The following PHF21B variants were observed in gnomAD, a reference collection of about 807,000 sequenced individuals.
PHF21B encodes the protein PHD finger protein 4.
Under a neutral mutation model 62.2 loss-of-function variants are expected in PHF21B, and 22 were observed. That is an observed-to-expected ratio of 0.35 (90% CI 0.25 to 0.51). The LOEUF (loss-of-function observed/expected upper bound fraction) is 0.51, where lower values mean the gene tolerates loss of function less well. Ranked by LOEUF, PHF21B falls within the 20% of genes least tolerant of loss-of-function variation. The probability of loss-of-function intolerance (pLI) is 0.97; values close to 1 mark genes in which losing one functional copy is unlikely to be tolerated. For synonymous variants in PHF21B, 341 were observed against 314.7 expected, an observed-to-expected ratio of 1.08 and a Z score of -0.88; for missense variants, 701 against 707.9, an observed-to-expected ratio of 0.99 and a Z score of 0.11.
intron 2 of PHF21B, among the ~76,000 whole-genome samples, chr22:44,966,579 G>A (rs919839268): frequency 5.9e-5 from 9 of 152,228 alleles, no homozygotes; most frequent in East Asian, 3.9e-4. Flanking sequence ...AGGCAGGTGC[G>A]GTGAAGGGAG....
chr22:44,992,792 T>C (rs775256841), intron 2 of PHF21B, among the ~76,000 whole-genome samples: 106 of 152,186 alleles, frequency 7.0e-4, no homozygotes, highest in Non-Finnish European at 1.1e-3. Context: ...GACCTGACGC[T>C]GACCCCCCAG....
chr22:44,919,737 C>T (rs192703186), intron 3 of PHF21B, among the ~76,000 whole-genome samples: 19 of 152,366 alleles, frequency 1.2e-4, no homozygotes, highest in African/African-American at 2.6e-4. Context: ...AACTACCTGG[C>T]GTTTGCTCTG....
At chr22:44,972,925 C>A (rs1251746782) in intron 2 of PHF21B, among the ~76,000 whole-genome samples, 1 of 152,152 alleles carries the variant, frequency 6.6e-6, no homozygotes, top group Non-Finnish European at 1.5e-5. Context: ...GGGAGGTTGG[C>A]AGGCAGGGCG....
chr22:44,920,596 T>C (rs1430654678), intron 2 of PHF21B, 106 bp from the exon 3 acceptor site: 4 of 574,156 alleles, frequency 7.0e-6, no homozygotes, highest in Non-Finnish European at 1.2e-5. Context: ...AGACAGCAAA[T>C]TCTACTCTTC....
chr22:44,927,249 G>A (rs765317017), intron 2 of PHF21B, among the ~76,000 whole-genome samples: 1 of 151,344 alleles, frequency 6.6e-6, no homozygotes, highest in Non-Finnish European at 1.5e-5. Flanking sequence ...CCCGCAGGAG[G>A]CCGGCAACAA....
At chr22:44,951,597 A>C (rs2072195235) in intron 2 of PHF21B, among the ~76,000 whole-genome samples, 1 of 152,246 alleles carries the variant, frequency 6.6e-6, no homozygotes, top group African/African-American at 2.4e-5. Context: ...TGTGAGATGC[A>C]TGAAAGCTGT....
At chr22:44,906,895 T>C (rs2071260804) in intron 5 of PHF21B, among the ~76,000 whole-genome samples, 1 of 151,120 alleles carries the variant, frequency 6.6e-6, no homozygotes, top group Non-Finnish European at 1.5e-5. Context: ...CTACCTCACA[T>C]CCCTGAGAGA....
rs1158848447 is a variant in PHF21B, at chr22:44,916,368, T to A, written c.476A>T (p.Asn159Ile). ...AYAIISTSPS[N>I]AAAMAPSTAV... ...GGTGCTGGGGGCCATGGCGGCGGCA[T>A]TGCTGGGGGAGGTGGAGATGATGGC... The change falls in exon 4 of 13, where the codon AAT (asparagine) becomes ATT (isoleucine). Residue 159 changes from asparagine (N) to isoleucine (I), a missense_variant. Coordinates refer to ENST00000313237, the MANE Select transcript of PHF21B (RefSeq NM_138415.5). 1.3e-6 allele frequency: 2 copies of A among 1,592,580 alleles called. No homozygotes were observed. The highest frequency in any genetic ancestry group is 1.7e-6 in the Non-Finnish European group (2 of 1,175,666).
At chr22:44,965,050 G>C (rs1255447409) in intron 2 of PHF21B, among the ~76,000 whole-genome samples, 1 of 152,176 alleles carries the variant, frequency 6.6e-6, no homozygotes, top group African/African-American at 2.4e-5. Context: ...TGTGATATGG[G>C]GGGGCTCCCA....
intron 5 of PHF21B, among the ~76,000 whole-genome samples, chr22:44,900,379 C>A (rs2071135921): frequency 6.6e-6 from 1 of 152,168 alleles, no homozygotes; most frequent in South Asian, 2.1e-4. Flanking sequence ...TGGCTCACTG[C>A]AACCTCCACC....
intron 2 of PHF21B, among the ~76,000 whole-genome samples, chr22:44,939,612 C>T (rs181165847): frequency 3.3e-5 from 5 of 152,110 alleles, no homozygotes; most frequent in African/African-American, 9.7e-5. Flanking sequence ...AGACATGGGG[C>T]GGAGGTAACT....
chr22:44,953,188 T>C (rs1024393107), intron 2 of PHF21B, among the ~76,000 whole-genome samples: 2 of 152,184 alleles, frequency 1.3e-5, no homozygotes, highest in African/African-American at 4.8e-5. Context: ...GGCCCGCAGC[T>C]GGGGCAGAAA....
chr22:44,953,279 C>G (rs945457122), intron 2 of PHF21B, among the ~76,000 whole-genome samples: 8 of 152,170 alleles, frequency 5.3e-5, no homozygotes, highest in Non-Finnish European at 1.2e-4. Context: ...TTGTTTTAAG[C>G]AGAAACTCAA....
In PHF21B at chr22:44,882,767, A is replaced by G. The variant is rs979945184; in HGVS notation, c.*319T>C. 1 of 296,260 alleles carries G rather than the reference A, an allele frequency of 3.4e-6. No homozygotes were observed. The highest frequency in any genetic ancestry group is 6.3e-6 in the Non-Finnish European group (1 of 159,064). The allele number at this position is 296,260 out of a possible 1,614,324, so 18.4% of individuals were successfully genotyped here. On this transcript the variant is annotated 3_prime_UTR_variant, in exon 13 of 13. Transcript: ENST00000313237. Reference sequence around the variant, plus strand: ...TCAGCCTGCCCCTCCAACGGGCCAGAGGGAGGCCGTGGAGAGCAGGGCCTG... The same window carrying G: ...TCAGCCTGCCCCTCCAACGGGCCAGGGGGAGGCCGTGGAGAGCAGGGCCTG...
rs538572207 is a variant in PHF21B, at chr22:44,973,306, C to T, written c.120+35239G>A. On this transcript the variant is annotated intron_variant, in intron 2 of 12. Transcript: ENST00000313237. ...CACTCAACCTATGCACATCAACTTC[C>T]AGATTGGCAGATGTCAGCTCCCACC... Among the ~76,000 whole-genome samples, 32 of 152,284 alleles carry T rather than the reference C, an allele frequency of 2.1e-4. No homozygotes were observed. The South Asian group carries it at 6.6e-3, about 32-fold the overall frequency.
At chr22:44,971,849 T>C (rs1484569763) in intron 2 of PHF21B, among the ~76,000 whole-genome samples, 1 of 152,254 alleles carries the variant, frequency 6.6e-6, no homozygotes, top group Admixed American at 6.5e-5. Context: ...CTTACGGACA[T>C]GTCTGTCGTT....
chr22:44,893,312 G>T, intron 7 of PHF21B, 145 bp downstream of exon 7: 1 of 663,744 alleles, frequency 1.5e-6, no homozygotes, highest in Non-Finnish European at 2.5e-6. Context: ...GATGATTTAC[G>T]GTCACCCCCC....
chr22:44,956,709 G>C (rs910289889), intron 2 of PHF21B, among the ~76,000 whole-genome samples: 2 of 152,156 alleles, frequency 1.3e-5, no homozygotes, highest in African/African-American at 4.8e-5. Context: ...CCTGACCACC[G>C]GAAAGGCCCA....
intron 9 of PHF21B, 89 bp downstream of exon 9, chr22:44,889,669 CTT>C: frequency 6.8e-7 from 1 of 1,463,362 alleles, no homozygotes; most frequent in Non-Finnish European, 9.2e-7. Flanking sequence ...ACTCCGGGCT[CTT>C]TCCCTCTTTC....
Sources: allele counts gnomAD v4.1 joint callset (sites outside exome capture counted in the v4.1 genomes callset), GRCh38; gene constraint gnomAD v4.1.1; transcripts MANE v1.5; gene names NCBI Gene and HGNC (gene_info 2026-07-23, HGNC 2026-07-21).